PKHD1: variants seen among roughly 807,000 people sequenced by gnomAD.
PKHD1 encodes the protein PKHD1 ciliary IPT domain containing fibrocystin/polyductin.
Under a neutral mutation model 412.0 loss-of-function variants are expected in PKHD1, and 291 were observed. The ratio of observed to expected loss-of-function variants is 0.71; its 90% CI spans 0.64 to 0.78. The LOEUF is 0.78. Among genes scored for constraint, PKHD1 ranks in the 30% least tolerant of loss-of-function variants. The pLI, the probability that PKHD1 is intolerant of heterozygous loss-of-function variation, is 0.00. For synonymous variants in PKHD1, 1,777 were observed against 1,821.5 expected (o/e 0.98, Z 0.62); for missense variants, 4,825 against 4,950.7 (o/e 0.97, Z 0.76).
At chr6:51,818,539 C>G (rs1206087868) in intron 52 of PKHD1, among the ~76,000 whole-genome samples, 2 of 152,308 alleles carry the variant, frequency 1.3e-5, no homozygotes, top group East Asian at 3.9e-4. Context: ...GCGATCATTT[C>G]CCTCAACTGT....
chr6:51,777,990 T>C (rs1362978847), intron 53 of PKHD1, among the ~76,000 whole-genome samples: 1 of 152,118 alleles, frequency 6.6e-6, no homozygotes, highest in Admixed American at 6.6e-5. Flanking sequence ...AGGGACTAAG[T>C]ACAAAGAAGG....
chr6:51,846,302 G>A (rs547571338), intron 50 of PKHD1, among the ~76,000 whole-genome samples: 1 of 152,296 alleles, frequency 6.6e-6, no homozygotes, highest in Admixed American at 6.5e-5. Flanking sequence ...TTATGGTTAG[G>A]CACAAGTGAA....
chr6:51,942,951 A>T (rs1788809651), intron 36 of PKHD1, among the ~76,000 whole-genome samples: 2 of 151,540 alleles, frequency 1.3e-5, no homozygotes, highest in South Asian at 4.1e-4. Flanking sequence ...TTTACTCAAC[A>T]TGCCCCAAGT....
chr6:51,969,697 G>T (rs1337764531), intron 35 of PKHD1, among the ~76,000 whole-genome samples: 4 of 151,970 alleles, frequency 2.6e-5, no homozygotes, highest in Admixed American at 6.6e-5. Flanking sequence ...TTCCATACAG[G>T]TTACTGCAAA....
chr6:51,829,634 T>G (rs1383801788), intron 52 of PKHD1, among the ~76,000 whole-genome samples: 1 of 152,120 alleles, frequency 6.6e-6, no homozygotes, highest in African/African-American at 2.4e-5. Context: ...TAATTGACGT[T>G]TGTACTGGTC....
chr6:52,049,335 A>G (rs1456882077), intron 22 of PKHD1, among the ~76,000 whole-genome samples: 2 of 152,260 alleles, frequency 1.3e-5, no homozygotes, highest in Non-Finnish European at 1.5e-5. Context: ...CAAAAGCTAC[A>G]GTAAAAATAT....
intron 61 of PKHD1, among the ~76,000 whole-genome samples, chr6:51,658,051 T>C (rs1324806506): frequency 1.3e-5 from 2 of 152,150 alleles, no homozygotes; most frequent in Non-Finnish European, 2.9e-5. Context: ...TAAGCTAAGA[T>C]GCATCAGCAT....
chr6:51,707,614 C>G (rs568817701), intron 60 of PKHD1, among the ~76,000 whole-genome samples: 10 of 152,236 alleles, frequency 6.6e-5, no homozygotes, highest in Non-Finnish European at 1.2e-4. Context: ...ACTTGCTAGA[C>G]TTCTTGGTAA....
intron 43 of PKHD1, among the ~76,000 whole-genome samples, chr6:51,896,920 A>G (rs1409018280): frequency 1.3e-5 from 2 of 152,204 alleles, no homozygotes; most frequent in African/African-American, 4.8e-5. Context: ...TCAGCGATGG[A>G]AGATGAAGTG....
intron 36 of PKHD1, among the ~76,000 whole-genome samples, chr6:51,954,649 A>G (rs1790846627): frequency 1.3e-5 from 2 of 152,040 alleles, no homozygotes; most frequent in African/African-American, 4.8e-5. Flanking sequence ...TCATGTGTGT[A>G]TGTGTGTGGA....
chr6:51,734,861 G>A (rs1227543954), intron 60 of PKHD1, among the ~76,000 whole-genome samples: 1 of 152,170 alleles, frequency 6.6e-6, no homozygotes, highest in African/African-American at 2.4e-5. Context: ...GATTTAAAGT[G>A]TACAGGAGAA....
chr6:51,748,752 C>T (rs1785598128), intron 57 of PKHD1, 87 bp from the exon 58 acceptor site: 2 of 1,062,074 alleles, frequency 1.9e-6, no homozygotes, highest in African/African-American at 3.1e-5. Context: ...AAGATATGAA[C>T]ATTTTTAATG....
chr6:51,741,962 G>T (rs1207236325), intron 60 of PKHD1, among the ~76,000 whole-genome samples: 1 of 152,166 alleles, frequency 6.6e-6, no homozygotes, highest in Non-Finnish European at 1.5e-5. Flanking sequence ...CCACAATTAG[G>T]CATGTGCTTA....
chr6:51,644,051 AG>A (rs930122306), intron 63 of PKHD1, among the ~76,000 whole-genome samples: 1 of 152,224 alleles, frequency 6.6e-6, no homozygotes, highest in African/African-American at 2.4e-5. Context: ...AGCTTTAAAA[AG>A]TAAGGGTTTT....
chr6:51,663,815 G>A (rs1773260602), intron 60 of PKHD1, among the ~76,000 whole-genome samples: 1 of 152,132 alleles, frequency 6.6e-6, no homozygotes, highest in Middle Eastern at 3.4e-3. Flanking sequence ...AGGCAATACT[G>A]TAATACATCT....
intron 29 of PKHD1, among the ~76,000 whole-genome samples, chr6:52,030,224 T>C (rs1802837376): frequency 6.6e-6 from 1 of 152,192 alleles, no homozygotes; most frequent in African/African-American, 2.4e-5. Context: ...ACTATGAATC[T>C]GCATTCAAAT....
intron 36 of PKHD1, among the ~76,000 whole-genome samples, chr6:51,944,995 C>T (rs975740433): frequency 6.6e-6 from 1 of 152,220 alleles, no homozygotes. Flanking sequence ...AGCAGTACCA[C>T]ACTGCTTACC....
chr6:52,027,684 C>T, intron 31 of PKHD1, 145 bp downstream of exon 31: 1 of 694,664 alleles, frequency 1.4e-6, no homozygotes, highest in East Asian at 2.7e-5. Flanking sequence ...TAAAAACACC[C>T]CTCAGTTCCT....
intron 27 of PKHD1, among the ~76,000 whole-genome samples, chr6:52,037,176 GA>G (rs1312759575): frequency 4.0e-5 from 6 of 151,400 alleles, no homozygotes; most frequent in South Asian, 4.2e-4. Flanking sequence ...AAATATCACT[GA>G]AAAAAAACTA....
Sources: gnomAD v4.1 joint callset for allele counts (sites outside exome capture counted in the v4.1 genomes callset) on GRCh38, gnomAD v4.1.1 for gene constraint, MANE v1.5 for transcripts, NCBI Gene and HGNC (gene_info 2026-07-23, HGNC 2026-07-21) for gene names.